Variants in IL18BP observed in about 807,000 individuals in gnomAD.
The protein encoded by IL18BP is interleukin 18 binding protein.
In IL18BP, 23 loss-of-function variants were observed where a neutral mutation model predicts 19.9. The ratio of observed to expected loss-of-function variants is 1.15; its 90% confidence interval spans 0.83 to 1.64. The LOEUF (loss-of-function observed/expected upper bound fraction) is 1.64. IL18BP is among the 40% of genes most tolerant of loss of function. The probability of loss-of-function intolerance (pLI) is 0.00; values close to 1 mark genes in which losing one functional copy is unlikely to be tolerated. For missense variants in IL18BP, 239 were observed against 240.7 expected (o/e 0.99, Z 0.05); for synonymous variants, 107 against 101.0 (o/e 1.06, Z -0.35).
chr11:71,999,597 C>G (rs964051182), intron 1 of IL18BP: 3 of 242,074 alleles, frequency 1.2e-5, no homozygotes, highest in African/African-American at 6.7e-5. Flanking sequence ...AAGGATTGCT[C>G]GGCATCCTGC....
chr11:72,004,956 C>G (rs1328974329), downstream of IL18BP: 4 of 891,406 alleles, frequency 4.5e-6, no homozygotes, highest in Non-Finnish European at 1.6e-6. Flanking sequence ...AGACACAAGG[C>G]CTCCTTTCCT....
At position 72,000,429 on chromosome 11, in the gene IL18BP, C is replaced by T; in HGVS notation, c.107C>T (p.Thr36Ile). ...LLVRATPVSQTTTAATASVRS... is the reference protein window; with the variant it reads ...LLVRATPVSQITTAATASVRS... The stretch of plus-strand genomic sequence containing the variant: ...GTCAGAGCCACACCTGTCTCGCAGA[C>T]CACCACAGCTGCCACTGCCTCAGTT... Residue 36 changes from threonine (T) to isoleucine (I), a missense_variant, in exon 3 of 6, where the codon ACC becomes ATC. Physicochemically the swap from Thr to Ile is moderately conservative, Grantham distance 89. Coordinates refer to ENST00000393703, the MANE Select transcript of IL18BP (RefSeq NM_001039660.2). 1.9e-6 allele frequency: 3 copies of T among 1,614,110 alleles called. No individual in the cohort carries two copies. Among genetic ancestry groups the T allele is most frequent in the Non-Finnish European group, 2.5e-6 (3 of 1,179,996 alleles).
At chr11:72,007,881 C>T (rs147212340), downstream of IL18BP, 44 of 351,276 alleles carry the variant, frequency 1.3e-4, no homozygotes, top group East Asian at 2.9e-3. Flanking sequence ...CCACACCCCA[C>T]TCCATGCTCA....
downstream of IL18BP, chr11:72,005,919 G>A (rs548068931): frequency 1.2e-6 from 1 of 849,574 alleles, no homozygotes; most frequent in South Asian, 1.7e-5. Flanking sequence ...AGGTGGAGCT[G>A]GATGGTAGCA....
chr11:72,003,943 T>C (rs2134326411), downstream of IL18BP: 1 of 1,613,336 alleles, frequency 6.2e-7, no homozygotes, highest in Non-Finnish European at 8.5e-7. Context: ...GCGCTGGCTG[T>C]GGTGGTGGCA....
At chr11:72,000,651 CACCAGCTGA>C (rs1156388716) in intron 3 of IL18BP, 94 bp downstream of exon 3, 1 of 1,067,570 alleles carries the variant, frequency 9.4e-7, no homozygotes, top group African/African-American at 1.6e-5. Context: ...GCCCATGTAC[CACCAGCTGA>C]GCCAGCTGGG....
Position 71,999,942 on chromosome 11 carries a change from C to G in IL18BP, c.-43C>G. 1 of 1,610,198 alleles carries G rather than the reference C, an allele frequency of 6.2e-7. No homozygotes were observed. Among genetic ancestry groups the G allele is most frequent in the Non-Finnish European group, 8.5e-7 (1 of 1,177,154 alleles). On this transcript the variant is annotated 5_prime_UTR_variant, in exon 2 of 6. Coordinates refer to ENST00000393703, the MANE Select transcript of IL18BP (RefSeq NM_001039660.2). Reference sequence around the variant, plus strand: ...CTTTCACCAGAGAAGAGGACGTTGTCACAGATAAAGAGCCAGGCTCACCAG... The same window carrying G: ...CTTTCACCAGAGAAGAGGACGTTGTGACAGATAAAGAGCCAGGCTCACCAG...
chr11:72,001,295 C>A lies in IL18BP; in HGVS notation c.330C>A (p.Leu110=). The A allele has an allele frequency of 6.2e-7, 1 of 1,614,226 alleles. No homozygotes were observed. Among genetic ancestry groups the A allele is most frequent in the Non-Finnish European group, 8.5e-7 (1 of 1,180,038 alleles). Residue 110 remains leucine (L), a synonymous_variant, in exon 4 of 6, where the codon CTC becomes CTA. Transcript: ENST00000393703. ...WLGNGSFIEH[L]PGRLWEGSTS... is the part of the protein sequence containing the mutation. ...GCAATGGTTCCTTCATTGAGCACCT[C>A]CCAGGCCGACTGTGGGAGGGGAGCA...
At chr11:72,004,815 G>T, downstream of IL18BP, 1 of 1,564,736 alleles carries the variant, frequency 6.4e-7, no homozygotes, top group South Asian at 1.2e-5. Context: ...GCTCAGGGAA[G>T]GCTGCATGGG....
rs1955276930 is a variant in IL18BP, at chr11:72,001,978, C to G, written c.*117C>G. On this transcript the variant is annotated 3_prime_UTR_variant, in exon 6 of 6. Transcript: ENST00000393703. ...GCTGCGTGGATGCGCAACACACCCC[C>G]TCCTTCTCTGCTTTGGGTCCCTTCT... is the stretch of plus-strand genomic sequence containing the variant. 6.9e-7 allele frequency: 1 copy of G among 1,442,848 alleles called. No homozygotes were observed. Among genetic ancestry groups the G allele is most frequent in the Non-Finnish European group, 9.4e-7 (1 of 1,061,800 alleles). 89.4% of individuals were successfully genotyped at this position (1,442,848 alleles called of 1,614,324 possible). A position where few individuals can be genotyped will look rare whatever the true frequency, so the allele number is the denominator to read the frequency against.
chr11:72,003,993 G>T (rs754119727), downstream of IL18BP: 17 of 1,613,278 alleles, frequency 1.1e-5, no homozygotes, highest in East Asian at 2.9e-4. Context: ...AGTGTTGGGG[G>T]AAGCCTTGGA....
At position 71,999,989 on chromosome 11, in the gene IL18BP, C is replaced by A; in HGVS notation, c.5C>A (p.Thr2Asn). 6.2e-7 allele frequency: 1 copy of A among 1,613,922 alleles called. No homozygotes were observed. The highest frequency in any genetic ancestry group is 8.5e-7 in the Non-Finnish European group (1 of 1,179,822). ...CCAGCTCCTGACGCATGCATCATGA[C>A]CATGAGACACAACTGGACACCAGGT... M[T>N]MRHNWTPDLS... is the part of the protein sequence containing the mutation. Residue 2 changes from threonine (T) to asparagine (N), a missense_variant, in exon 2 of 6, where the codon ACC becomes AAC. Physicochemically the swap from Thr to Asn is moderately conservative, Grantham distance 65. Coordinates refer to ENST00000393703, the MANE Select transcript of IL18BP (RefSeq NM_001039660.2).
downstream of IL18BP, chr11:72,005,403 C>T: frequency 1.3e-6 from 2 of 1,594,466 alleles, no homozygotes; most frequent in South Asian, 1.1e-5. Context: ...ACAAATGAGC[C>T]TGGAGTCGGC....
chr11:72,001,499 C>G lies in IL18BP; in HGVS notation c.454C>G (p.Leu152Val). Reference protein sequence around the residue: ...ALHSTNFSCVLVDPEQVVQRH... With the variant: ...ALHSTNFSCVVVDPEQVVQRH... ...GCACAGCACCAACTTCTCCTGTGTGCTCGTGGACCCTGAACAGGTTGTCCA... is the reference window on the plus strand; with the variant it reads ...GCACAGCACCAACTTCTCCTGTGTGGTCGTGGACCCTGAACAGGTTGTCCA... The change falls in exon 5 of 6, where the codon CTC becomes GTC. Residue 152 changes from leucine (L) to valine (V), a missense_variant. Physicochemically the swap from Leu to Val is conservative, Grantham distance 32 (BLOSUM62 1). Coordinates refer to ENST00000393703, the MANE Select transcript of IL18BP (RefSeq NM_001039660.2). 1 of 1,613,996 alleles carries G rather than the reference C, an allele frequency of 6.2e-7. No individual in the cohort carries two copies. The highest frequency in any genetic ancestry group is 1.7e-5 in the Admixed American group (1 of 60,020).
At position 72,000,491 on chromosome 11, in the gene IL18BP, G is replaced by C. The variant is rs746988216; in HGVS notation, c.169G>C (p.Val57Leu). The C allele has an allele frequency of 6.2e-7, 1 of 1,613,942 alleles. No homozygotes were observed. Among genetic ancestry groups the C allele is most frequent in the Middle Eastern group, 1.6e-4 (1 of 6,062 alleles). Residue 57 changes from valine (V) to leucine (L), a missense_variant, in exon 3 of 6, where the codon GTG becomes CTG. Coordinates refer to ENST00000393703, the MANE Select transcript of IL18BP (RefSeq NM_001039660.2). The part of the protein sequence containing the change: ...TKDPCPSQPP[V>L]FPAAKQCPAL... The stretch of plus-strand genomic sequence containing the variant: ...GGACCCCTGCCCCTCCCAGCCCCCA[G>C]TGTTCCCAGCAGCTAAGCAGTGTCC...
downstream of IL18BP, chr11:72,005,805 T>G: frequency 1.8e-6 from 1 of 563,734 alleles, no homozygotes; most frequent in Non-Finnish European, 3.1e-6. Context: ...GTCACAATTG[T>G]GCTGGGAATC....
At chr11:72,007,649 G>C, downstream of IL18BP, 1 of 616,804 alleles carries the variant, frequency 1.6e-6, no homozygotes, top group Non-Finnish European at 2.8e-6. Context: ...CCTCATAGTG[G>C]CAATGCCCAG....
rs1303001259 is a variant in IL18BP at position 72,002,731 on chromosome 11, G to A, written c.*870G>A. 1 of 179,314 alleles carries A rather than the reference G, an allele frequency of 5.6e-6. No individual in the cohort carries two copies. The highest frequency in any genetic ancestry group is 1.2e-5 in the Non-Finnish European group (1 of 83,588). The allele number at this position is 179,314 out of a possible 1,614,324, so 11.1% of individuals were successfully genotyped here. ...AGAGGCCACTAATGGAGAGTGGGAAGAGCCTGGAAAGATGTGGCCTCAGGA... is the reference window on the plus strand; with the variant it reads ...AGAGGCCACTAATGGAGAGTGGGAAAAGCCTGGAAAGATGTGGCCTCAGGA... On this transcript the variant is annotated 3_prime_UTR_variant, in exon 6 of 6. Coordinates refer to ENST00000393703, the MANE Select transcript of IL18BP (RefSeq NM_001039660.2).
rs771114099 is a variant in IL18BP, at chr11:72,001,811, AC to A, written c.538del (p.Gln180LysfsTer39). ...WAGLRATLPPTQEALPSSHSS... is the reference protein window; with the variant it reads ...WAGLRATLPPXQEALPSSHSS... ...TGGGCTGAGGGCAACCTTGCCCCCCACCCAAGAAGCCCTGCCCTCCAGCCAC... is the reference window on the plus strand; with the variant it reads ...TGGGCTGAGGGCAACCTTGCCCCCCACCAAGAAGCCCTGCCCTCCAGCCAC... On this transcript the variant is annotated frameshift_variant, in exon 6 of 6. Coordinates refer to ENST00000393703, the MANE Select transcript of IL18BP (RefSeq NM_001039660.2). LOFTEE classifies it high-confidence loss of function. 2 of 1,613,544 alleles carry A rather than the reference AC, an allele frequency of 1.2e-6. No individual in the cohort carries two copies. Among genetic ancestry groups the A allele is most frequent in the African/African-American group, 2.7e-5 (2 of 74,750 alleles).
Sources: gnomAD v4.1 joint callset for allele counts on GRCh38, gnomAD v4.1.1 for gene constraint, MANE v1.5 for transcripts, NCBI Gene and HGNC (gene_info 2026-07-23, HGNC 2026-07-21) for gene names.